LNX1: variants seen among roughly 807,000 people sequenced by gnomAD.
The protein encoded by LNX1 is ligand of numb-protein X 1, also known as E3 ubiquitin-protein ligase LNX.
In LNX1, 54 loss-of-function variants were observed where a neutral mutation model predicts 68.4. That is an observed-to-expected ratio of 0.79 (90% CI 0.63 to 0.99). The LOEUF is 0.99. Ranked by LOEUF, LNX1 falls within the 50% of genes least tolerant of loss-of-function variation. The pLI is 0.00. For synonymous variants in LNX1, 336 were observed against 350.0 expected (o/e 0.96, Z 0.45); for missense variants, 906 against 926.4 (o/e 0.98, Z 0.29).
intron 2 of LNX1, among the ~76,000 whole-genome samples, chr4:53,608,741 A>G (rs932984778): frequency 6.6e-6 from 1 of 152,216 alleles, no homozygotes; most frequent in Admixed American, 6.5e-5. Flanking sequence ...ATGGATAAAA[A>G]AAATGTGGTG....
chr4:53,616,374 C>A (rs1003813856), intron 2 of LNX1: 18 of 152,206 alleles, frequency 1.2e-4, no homozygotes, highest in African/African-American at 4.3e-4. Context: ...CAGTGTCCTG[C>A]GCCTGGGTCA....
intron 9 of LNX1, among the ~76,000 whole-genome samples, chr4:53,464,926 T>C (rs922147121): frequency 6.6e-6 from 1 of 151,528 alleles, no homozygotes; most frequent in Admixed American, 6.6e-5. Flanking sequence ...GAATTTCTTC[T>C]GTGTTTTTTC....
At chr4:53,580,160 A>AG (rs1347375910) in intron 1 of LNX1, among the ~76,000 whole-genome samples, 1 of 152,220 alleles carries the variant, frequency 6.6e-6, no homozygotes, top group Non-Finnish European at 1.5e-5. Context: ...TGATTAATAG[A>AG]GGAAAAAGTC....
In LNX1 at chr4:53,507,300, A is replaced by G; in HGVS notation, c.775+17T>C. Reference sequence around the variant, plus strand: ...GCCCAGCCCATGTCCATCCAGCCTTATGGGGAGTTCATTTACCTTCAGGGG... The same window carrying G: ...GCCCAGCCCATGTCCATCCAGCCTTGTGGGGAGTTCATTTACCTTCAGGGG... On this transcript the variant is annotated intron_variant, in intron 4 of 10. Coordinates refer to ENST00000263925, the MANE Select transcript of LNX1 (RefSeq NM_001126328.3). 88 of 1,612,950 alleles carry G rather than the reference A, an allele frequency of 5.5e-5. No homozygotes were observed. The highest frequency in any genetic ancestry group is 7.4e-5 in the Non-Finnish European group (87 of 1,179,410).
chr4:53,586,150 G>C (rs1173138134), intron 1 of LNX1, among the ~76,000 whole-genome samples: 1 of 152,054 alleles, frequency 6.6e-6, no homozygotes, highest in Non-Finnish European at 1.5e-5. Flanking sequence ...AAAAAAAAAG[G>C]CCACAGATAG....
At chr4:53,570,320 A>T (rs1290823170) in intron 2 of LNX1, among the ~76,000 whole-genome samples, 1 of 150,080 alleles carries the variant, frequency 6.7e-6, no homozygotes, top group Non-Finnish European at 1.5e-5. Context: ...TACACCATGG[A>T]ATACTATGTA....
intron 2 of LNX1, among the ~76,000 whole-genome samples, chr4:53,533,698 C>A (rs990823885): frequency 3.3e-5 from 5 of 152,212 alleles, no homozygotes; most frequent in Admixed American, 1.3e-4. Context: ...CTGTACCCAG[C>A]CTGGAGACAT....
At chr4:53,574,286 C>T (rs930495384) in intron 1 of LNX1, among the ~76,000 whole-genome samples, 198 bp from the exon 2 acceptor site, 1 of 152,228 alleles carries the variant, frequency 6.6e-6, no homozygotes, top group Admixed American at 6.5e-5. Flanking sequence ...TTTTTCCACG[C>T]ATGCCAGTGG....
intron 9 of LNX1, among the ~76,000 whole-genome samples, chr4:53,463,708 C>A (rs1436686746): frequency 1.3e-5 from 2 of 152,058 alleles, no homozygotes; most frequent in Non-Finnish European, 2.9e-5. Context: ...ATTATGGTTA[C>A]CTCAAGAACA....
intron 2 of LNX1, chr4:53,524,455 C>T (rs548601938): frequency 5.9e-5 from 9 of 152,170 alleles, no homozygotes; most frequent in African/African-American, 2.2e-4. Context: ...CTCCATTTGA[C>T]AGATAAGAAA....
At chr4:53,565,669 A>T (rs1271501890) in intron 2 of LNX1, among the ~76,000 whole-genome samples, 1,804 of 152,246 alleles carry the variant, frequency 0.012, 22 homozygotes, top group African/African-American at 0.041. Context: ...ACGAGCTGAG[A>T]GAAGAAGGCT....
At chr4:53,572,138 T>C (rs1470316272) in intron 2 of LNX1, among the ~76,000 whole-genome samples, 1 of 152,156 alleles carries the variant, frequency 6.6e-6, no homozygotes, top group Non-Finnish European at 1.5e-5. Context: ...CTCTCAAACC[T>C]GGCTCTGTGC....
At chr4:53,541,495 G>T (rs988191082) in intron 2 of LNX1, among the ~76,000 whole-genome samples, 1 of 152,052 alleles carries the variant, frequency 6.6e-6, no homozygotes, top group Non-Finnish European at 1.5e-5. Context: ...TTCTAAAAGA[G>T]ACTTAGAGTT....
chr4:53,501,298 T>TTTG (rs1725463441), intron 4 of LNX1, among the ~76,000 whole-genome samples: 2 of 9,504 alleles, frequency 2.1e-4, no homozygotes, highest in Non-Finnish European at 6.3e-4. Context: ...TTTTTTTTTT[T>TTTG]TGGGGGTGGG....
At chr4:53,466,792 G>T (rs563545889) in intron 9 of LNX1, among the ~76,000 whole-genome samples, 1 of 152,336 alleles carries the variant, frequency 6.6e-6, no homozygotes, top group Admixed American at 6.5e-5. Context: ...AGGGGCGCCC[G>T]CCATTGCCCA....
intron 6 of LNX1, among the ~76,000 whole-genome samples, chr4:53,493,055 C>T (rs11944299): frequency 0.33 from 50,226 of 151,934 alleles, 8,438 homozygotes; most frequent in South Asian, 0.44. Flanking sequence ...CTGAAACCTC[C>T]GCCTCCCGAG....
intron 2 of LNX1, among the ~76,000 whole-genome samples, chr4:53,563,536 T>G (rs1236109205): frequency 1.4e-5 from 2 of 145,662 alleles, no homozygotes; most frequent in Non-Finnish European, 3.0e-5. Context: ...AGCTTCAAAT[T>G]CTTTTTTTTT....
Position 53,480,648 on chromosome 4 carries a change from A to G in LNX1, c.1485+1072T>C, listed in dbSNP as rs1723850742. ...GACTCCTTATTGTAGAGAAACAGGT[A>G]ATTTATGGATTTATGAGGCTTGGCT... On this transcript the variant is annotated intron_variant, in intron 7 of 10. Transcript: ENST00000263925. Among the ~76,000 whole-genome samples the G allele has an allele frequency of 2.0e-5, 3 of 152,316 alleles. No homozygotes were observed. In the South Asian group the frequency reaches 6.2e-4, roughly 32 times the overall value.
At chr4:53,468,157 A>G (rs1236998059) in intron 9 of LNX1, among the ~76,000 whole-genome samples, 29 of 152,224 alleles carry the variant, frequency 1.9e-4, no homozygotes, top group Non-Finnish European at 4.0e-4. Flanking sequence ...CAGAAACTCT[A>G]CAAGCCAGAA....
Sources: gnomAD v4.1 joint callset for allele counts (sites outside exome capture counted in the v4.1 genomes callset) on GRCh38, gnomAD v4.1.1 for gene constraint, MANE v1.5 for transcripts, NCBI Gene and HGNC (gene_info 2026-07-23, HGNC 2026-07-21) for gene names.